The following GRID2 variants were observed in gnomAD, a reference collection of about 807,000 sequenced individuals.
GRID2 encodes glutamate receptor ionotropic, delta-2.
Under a neutral mutation model 114.8 loss-of-function variants are expected in GRID2, and 33 were observed. The ratio of observed to expected loss-of-function variants is 0.29; its 90% CI spans 0.22 to 0.38. The LOEUF (loss-of-function observed/expected upper bound fraction) is 0.38. GRID2 is among the 10% of genes least tolerant of loss of function. The probability of loss-of-function intolerance (pLI) is 1.00; values close to 1 mark genes in which losing one functional copy is unlikely to be tolerated. For synonymous variants in GRID2, 505 were observed against 449.9 expected, an observed-to-expected ratio of 1.12 and a Z score of -1.55; for missense variants, 1,184 against 1,257.7, an observed-to-expected ratio of 0.94 and a Z score of 0.89.
At chr4:92,572,051 A>G (rs1184906128) in intron 1 of GRID2, among the ~76,000 whole-genome samples, 2 of 152,066 alleles carry the variant, frequency 1.3e-5, no homozygotes, top group Non-Finnish European at 2.9e-5. Flanking sequence ...AACTGAAGGA[A>G]ATAGAGACAC....
At chr4:92,890,475 A>G (rs1011547670) in intron 2 of GRID2, among the ~76,000 whole-genome samples, 1 of 152,220 alleles carries the variant, frequency 6.6e-6, no homozygotes, top group Admixed American at 6.5e-5. Context: ...ACTTTTCAAA[A>G]GAAGATATTT....
intron 1 of GRID2, among the ~76,000 whole-genome samples, chr4:92,317,663 G>A (rs569516866): frequency 1.2e-4 from 18 of 152,274 alleles, no homozygotes; most frequent in Admixed American, 5.2e-4. Context: ...CTGACTGCTC[G>A]TATGCACAGG....
intron 2 of GRID2, among the ~76,000 whole-genome samples, chr4:92,612,006 A>G (rs1429983128): frequency 6.6e-6 from 1 of 151,322 alleles, no homozygotes; most frequent in Non-Finnish European, 1.5e-5. Flanking sequence ...TGCTGCAGTT[A>G]TTTTTTAAAC....
Position 93,626,306 on chromosome 4 carries a change from C to T in GRID2, c.2231C>T (p.Ala744Val). The part of the protein sequence containing the change: ...YGNYAFVWDA[A>V]VLEYVAINDP... ...AATTATGCTTTCGTATGGGATGCAG[C>T]TGTATTGGAATATGTGGCTATCAAT... is the stretch of plus-strand genomic sequence containing the variant. The change falls in exon 14 of 16, where the codon GCT becomes GTT. Residue 744 changes from alanine to valine, a missense_variant. Physicochemically the swap from Ala to Val is moderately conservative, Grantham distance 64. Transcript: ENST00000282020. 6.2e-7 allele frequency: 1 copy of T among 1,602,072 alleles called. No individual in the cohort carries two copies. The highest frequency in any genetic ancestry group is 8.5e-7 in the Non-Finnish European group (1 of 1,170,060).
intron 1 of GRID2, among the ~76,000 whole-genome samples, chr4:92,382,588 C>T (rs1294758339): frequency 6.6e-6 from 1 of 151,898 alleles, no homozygotes; most frequent in Non-Finnish European, 1.5e-5. Flanking sequence ...AATTAAAGCA[C>T]ATTGTTAAGA....
chr4:93,305,606 T>C (rs1248599773), intron 8 of GRID2, among the ~76,000 whole-genome samples: 3 of 152,208 alleles, frequency 2.0e-5, no homozygotes, highest in African/African-American at 7.2e-5. Context: ...ATTGTTTGGG[T>C]AGGGAAATAT....
intron 2 of GRID2, among the ~76,000 whole-genome samples, chr4:92,920,531 A>C (rs1261058181): frequency 6.6e-6 from 1 of 152,112 alleles, no homozygotes; most frequent in Admixed American, 6.6e-5. Flanking sequence ...GAGCTCTTTT[A>C]GGGCAGGCCT....
At chr4:93,010,685 A>T (rs1722042757) in intron 2 of GRID2, among the ~76,000 whole-genome samples, 1 of 152,196 alleles carries the variant, frequency 6.6e-6, no homozygotes, top group Non-Finnish European at 1.5e-5. Context: ...TAAGTAATTG[A>T]TCTGTTTGCC....
rs552301935 is a variant in GRID2 at position 93,180,535 on chromosome 4, A to T, written c.736-26869A>T. Among the ~76,000 whole-genome samples the T allele has an allele frequency of 2.0e-5, 3 of 152,256 alleles. No homozygotes were observed. In the East Asian group the frequency reaches 5.8e-4, roughly 29 times the overall value. On this transcript the variant is annotated intron_variant, in intron 4 of 15. Transcript: ENST00000282020. ...CATACCAATCACCTCTTCCTTTCAC[A>T]AAAGGTTTTCTGTAGCATGCCATGC... is the stretch of plus-strand genomic sequence containing the variant.
At chr4:92,634,974 T>A (rs1730999687) in intron 2 of GRID2, among the ~76,000 whole-genome samples, 1 of 151,980 alleles carries the variant, frequency 6.6e-6, no homozygotes, top group Non-Finnish European at 1.5e-5. Context: ...TTCCCCAAAC[T>A]GCATTGCCAG....
At chr4:92,895,515 G>A (rs1290877042) in intron 2 of GRID2, among the ~76,000 whole-genome samples, 2 of 151,252 alleles carry the variant, frequency 1.3e-5, no homozygotes, top group Non-Finnish European at 2.9e-5. Context: ...GATGTAGGAA[G>A]GTAGAATTTT....
intron 1 of GRID2, among the ~76,000 whole-genome samples, chr4:92,338,368 C>T (rs1371334614): frequency 1.3e-5 from 2 of 152,040 alleles, no homozygotes; most frequent in Non-Finnish European, 2.9e-5. Flanking sequence ...AGAGTATTCA[C>T]AGATACATTG....
intron 14 of GRID2, among the ~76,000 whole-genome samples, chr4:93,764,078 G>GTGAC (rs959045207): frequency 6.6e-6 from 1 of 152,156 alleles, no homozygotes; most frequent in Non-Finnish European, 1.5e-5. Flanking sequence ...TCCTAGAGTA[G>GTGAC]TGACTAAAAA....
intron 1 of GRID2, among the ~76,000 whole-genome samples, chr4:92,355,963 A>AAC (rs1728297882): frequency 6.6e-6 from 1 of 151,788 alleles, no homozygotes; most frequent in Non-Finnish European, 1.5e-5. Context: ...GGAGAAAAAA[A>AAC]CACTGGTTAT....
At chr4:93,257,960 TACACACA>T (rs1561053142) in intron 8 of GRID2, among the ~76,000 whole-genome samples, 2 of 146,198 alleles carry the variant, frequency 1.4e-5, no homozygotes, top group African/African-American at 5.1e-5. Flanking sequence ...TATATACATA[TACACACA>T]ATATGTGTGT....
At chr4:92,365,394 C>G (rs896240971) in intron 1 of GRID2, among the ~76,000 whole-genome samples, 2 of 151,782 alleles carry the variant, frequency 1.3e-5, no homozygotes, top group Admixed American at 6.6e-5. Flanking sequence ...GAGACAAATA[C>G]CATATGATCT....
intron 13 of GRID2, among the ~76,000 whole-genome samples, chr4:93,571,293 G>A (rs1180202952): frequency 6.6e-6 from 1 of 151,962 alleles, no homozygotes; most frequent in Non-Finnish European, 1.5e-5. Context: ...ATAAATACAA[G>A]TAACTTTCTT....
At chr4:93,806,850 G>A (rs1735043206) in exon 2 of GRID2, 2 of 152,196 alleles carry the variant, frequency 1.3e-5, no homozygotes, top group African/African-American at 2.4e-5. Flanking sequence ...ATCACAAATG[G>A]GAGGACCCCT....
chr4:93,558,266 GA>G (rs1734520857), intron 13 of GRID2, among the ~76,000 whole-genome samples: 1 of 151,874 alleles, frequency 6.6e-6, no homozygotes, highest in Non-Finnish European at 1.5e-5. Flanking sequence ...AAAGAGACAC[GA>G]AAAACCCTTC....
Sources: gnomAD v4.1 joint callset for allele counts (sites outside exome capture counted in the v4.1 genomes callset) on GRCh38, gnomAD v4.1.1 for gene constraint, MANE v1.5 for transcripts, NCBI Gene and HGNC (gene_info 2026-07-23, HGNC 2026-07-21) for gene names.